EVI5: variants seen among roughly 807,000 people sequenced by gnomAD.
EVI5 encodes ecotropic viral integration site 5 protein homolog.
A neutral mutation model predicts 112.0 loss-of-function variants in EVI5; 73 were observed. That is an observed-to-expected ratio of 0.65 (90% CI 0.54 to 0.79). The LOEUF is 0.79. Ranked by LOEUF, EVI5 falls within the 30% of genes least tolerant of loss-of-function variation. EVI5 has a pLI of 0.00. For missense variants in EVI5, 900 were observed against 968.8 expected (o/e 0.93, Z 0.94); for synonymous variants, 305 against 319.9 (o/e 0.95, Z 0.50).
intron 13 of EVI5, among the ~76,000 whole-genome samples, chr1:92,638,112 T>C (rs977725114): frequency 6.6e-6 from 1 of 152,144 alleles, no homozygotes; most frequent in Non-Finnish European, 1.5e-5. Flanking sequence ...CTGGCAACTG[T>C]AGCACAGGTT....
intron 5 of EVI5, among the ~76,000 whole-genome samples, chr1:92,701,229 A>C (rs776849464): frequency 6.6e-6 from 1 of 152,178 alleles, no homozygotes; most frequent in Non-Finnish European, 1.5e-5. Flanking sequence ...TCTGATTCCT[A>C]CTTTGCTTTT....
intron 9 of EVI5, among the ~76,000 whole-genome samples, chr1:92,680,977 A>G (rs1667490833): frequency 6.6e-6 from 1 of 152,166 alleles, no homozygotes. Context: ...CCTAGAGCGG[A>G]CCCTGGACGG....
At chr1:92,573,913 C>T (rs1670658146) in intron 18 of EVI5, among the ~76,000 whole-genome samples, 1 of 152,060 alleles carries the variant, frequency 6.6e-6, no homozygotes, top group African/African-American at 2.4e-5. Context: ...AAAACCCAAA[C>T]ATTTGGGGAC....
chr1:92,718,714 G>C (rs1674211557), intron 2 of EVI5, among the ~76,000 whole-genome samples: 1 of 152,078 alleles, frequency 6.6e-6, no homozygotes, highest in Non-Finnish European at 1.5e-5. Context: ...GAAGGAGATA[G>C]AGACACAAAA....
chr1:92,558,187 T>C (rs1254613495), intron 19 of EVI5, among the ~76,000 whole-genome samples: 4 of 152,180 alleles, frequency 2.6e-5, no homozygotes, highest in Non-Finnish European at 2.9e-5. Flanking sequence ...CCTGGTGGTT[T>C]TGGTCCTCTC....
rs1440013567 is a variant in EVI5 at position 92,703,415 on chromosome 1, C to A, written c.544G>T (p.Val182Phe). Residue 182 changes from valine to phenylalanine, a missense_variant, in exon 4 of 20, where the codon GTT becomes TTT. By Grantham distance (50) the Val-to-Phe change is conservative. Coordinates refer to ENST00000684568, the MANE Select transcript of EVI5 (RefSeq NM_001350197.2). ...FKEKDSLGQE[V>F]LFNVMKAYSL... Reference sequence around the variant, plus strand: ...CTTACCTTCATTACATTAAATAAAACCTCCTGTCCAAGGCTATCTTTTTCC... The same window carrying A: ...CTTACCTTCATTACATTAAATAAAAACTCCTGTCCAAGGCTATCTTTTTCC... The A allele has an allele frequency of 5.1e-6, 8 of 1,565,776 alleles. No homozygotes were observed. Among genetic ancestry groups the A allele is most frequent in the South Asian group, 1.2e-5 (1 of 84,578 alleles).
intron 18 of EVI5, among the ~76,000 whole-genome samples, chr1:92,598,905 C>G (rs1357413254): frequency 6.6e-6 from 1 of 151,854 alleles, no homozygotes; most frequent in East Asian, 1.9e-4. Context: ...TTATTATAAA[C>G]AATATAACTA....
intron 1 of EVI5, among the ~76,000 whole-genome samples, chr1:92,763,328 A>T (rs1682155914): frequency 6.6e-6 from 1 of 152,166 alleles, no homozygotes; most frequent in Non-Finnish European, 1.5e-5. Context: ...ATCAATAAAA[A>T]TTTTGATAAT....
At chr1:92,777,212 A>T (rs1684260260) in intron 1 of EVI5, among the ~76,000 whole-genome samples, 1 of 152,208 alleles carries the variant, frequency 6.6e-6, no homozygotes, top group Admixed American at 6.5e-5. Context: ...TGCTGGGATT[A>T]CAGGCGTGAG....
chr1:92,664,779 C>T lies in EVI5; in HGVS notation c.1212+1160G>A, dbSNP rs189881690. ...AAATCATCAATACTTTTCAAACAAA[C>T]GACAAATACTGCAAAATATCCATAT... On this transcript the variant is annotated intron_variant, in intron 11 of 19. Transcript: ENST00000684568. 4.6e-5 allele frequency among the ~76,000 whole-genome samples: 7 copies of T among 152,254 alleles called. No individual in the cohort carries two copies. The East Asian group carries it at 7.7e-4, about 17-fold the overall frequency.
At chr1:92,541,181 T>C (rs781384939) in intron 19 of EVI5, among the ~76,000 whole-genome samples, 17 of 152,218 alleles carry the variant, frequency 1.1e-4, no homozygotes, top group Admixed American at 2.0e-4. Flanking sequence ...ATTCTAGTCA[T>C]ATAGTTGTTT....
chr1:92,600,386 A>G (rs1648867412), intron 18 of EVI5, among the ~76,000 whole-genome samples: 1 of 59,648 alleles, frequency 1.7e-5, no homozygotes, highest in Non-Finnish European at 3.1e-5. Flanking sequence ...TAATATTTGT[A>G]CACATACAAT....
At chr1:92,679,217 C>T (rs1004180717) in intron 9 of EVI5, among the ~76,000 whole-genome samples, 1 of 152,128 alleles carries the variant, frequency 6.6e-6, no homozygotes, top group Non-Finnish European at 1.5e-5. Context: ...TGAGGTGGAA[C>T]AGTTTCAACC....
At chr1:92,686,713 C>T (rs964227851) in intron 9 of EVI5, among the ~76,000 whole-genome samples, 7 of 152,154 alleles carry the variant, frequency 4.6e-5, no homozygotes, top group African/African-American at 1.7e-4. Context: ...GATACAAAAT[C>T]AATGTGCAAA....
rs1275180304 is a variant in EVI5 at position 92,624,164 on chromosome 1, T to C, written c.1827+12A>G. ...TGATACTTTTTAAAGATACTGGGCT[T>C]TCCCATCATACCTGTGTTTCCATTT... On this transcript the variant is annotated intron_variant, in intron 16 of 19. Transcript: ENST00000684568. The C allele has an allele frequency of 7.5e-6, 12 of 1,609,490 alleles. No homozygotes were observed. The highest frequency in any genetic ancestry group is 1.7e-4 in the Middle Eastern group (1 of 5,942).
At position 92,561,611 on chromosome 1, in the gene EVI5, A is replaced by T. The variant is rs1233199755; in HGVS notation, c.2166+2031T>A. Among the ~76,000 whole-genome samples the T allele has an allele frequency of 1.7e-4, 4 of 23,360 alleles. No homozygotes were observed. In the East Asian group the frequency reaches 2.7e-3, roughly 16 times the overall value. The allele number at this position is 23,360 out of a possible 152,430, so 15.3% of individuals were successfully genotyped here. ...TCTATCTATCTATCTAATCTATCCT[A>T]TCTATCTATCTATCTATCTATCTAT... On this transcript the variant is annotated intron_variant, in intron 19 of 19. Transcript: ENST00000684568.
intron 13 of EVI5, among the ~76,000 whole-genome samples, chr1:92,639,689 C>A (rs1024993367): frequency 1.2e-4 from 19 of 152,160 alleles, no homozygotes; most frequent in African/African-American, 4.6e-4. Flanking sequence ...ATTGTGCATG[C>A]TGCCCAAAGT....
intron 13 of EVI5, among the ~76,000 whole-genome samples, chr1:92,636,600 A>G (rs1286208263): frequency 6.6e-6 from 1 of 152,224 alleles, no homozygotes; most frequent in Non-Finnish European, 1.5e-5. Context: ...TTCATATAAG[A>G]TAAACATCTC....
At chr1:92,775,995 C>G (rs1231168148) in intron 1 of EVI5, among the ~76,000 whole-genome samples, 1 of 151,650 alleles carries the variant, frequency 6.6e-6, no homozygotes, top group Non-Finnish European at 1.5e-5. Flanking sequence ...GTAGTCCCAG[C>G]TACTTGGGAG....
Sources: allele counts gnomAD v4.1 joint callset (sites outside exome capture counted in the v4.1 genomes callset), GRCh38; gene constraint gnomAD v4.1.1; transcripts MANE v1.5; gene names NCBI Gene and HGNC (gene_info 2026-07-23, HGNC 2026-07-21).